TPO: variants seen among roughly 807,000 people sequenced by gnomAD.
TPO encodes thyroid peroxidase.
Under a neutral mutation model 96.9 loss-of-function variants are expected in TPO, and 78 were observed. That is an observed-to-expected ratio of 0.81 (90% CI 0.67 to 0.97). The LOEUF (loss-of-function observed/expected upper bound fraction) is 0.97, where lower values mean the gene tolerates loss of function less well. Ranked by LOEUF, TPO falls within the 50% of genes least tolerant of loss-of-function variation. The probability of loss-of-function intolerance (pLI) is 0.00; values close to 1 mark genes in which losing one functional copy is unlikely to be tolerated. For synonymous variants in TPO, 547 were observed against 538.0 expected (o/e 1.02, Z -0.23); for missense variants, 1,252 against 1,274.8 (o/e 0.98, Z 0.27).
At position 1,477,327 on chromosome 2, in the gene TPO, C is replaced by A. The variant is rs766827032; in HGVS notation, c.1061C>A (p.Ala354Glu). ...GCCGAAGGGCTGCTCCGCGTCCACGCGCGCCTCCGGGACTCCGGCCGCGCC... is the reference window on the plus strand; with the variant it reads ...GCCGAAGGGCTGCTCCGCGTCCACGAGCGCCTCCGGGACTCCGGCCGCGCC... ...TSAEGLLRVH[A>E]RLRDSGRAYL... The change falls in exon 8 of 17, where the codon GCG becomes GAG. Residue 354 changes from alanine to glutamate, a missense_variant. By Grantham distance (107) the Ala-to-Glu change is moderately radical. Coordinates refer to ENST00000329066, the MANE Select transcript of TPO (RefSeq NM_001206744.2). The A allele has an allele frequency of 1.9e-6, 3 of 1,564,218 alleles. No individual in the cohort carries two copies. In the South Asian group the frequency reaches 3.5e-5, roughly 18 times the overall value.
chr2:1,430,203 G>A (rs1467281964), intron 3 of TPO, among the ~76,000 whole-genome samples: 1 of 152,190 alleles, frequency 6.6e-6, no homozygotes, highest in Non-Finnish European at 1.5e-5. Context: ...CAGGGACACT[G>A]ATCCCTGTAT....
intron 2 of TPO, among the ~76,000 whole-genome samples, chr2:1,418,584 C>T (rs78364351): frequency 1.4e-3 from 206 of 152,306 alleles, no homozygotes; most frequent in East Asian, 0.013. Context: ...TGCTATCAAT[C>T]CCTCCTCTAA....
chr2:1,400,621 C>CA (rs34465338), intron 1 of TPO, among the ~76,000 whole-genome samples: 74,192 of 126,572 alleles, frequency 0.59, 21,069 homozygotes, highest in Middle Eastern at 0.71. Flanking sequence ...ACATGCGTCT[C>CA]AAAAAAAAAA....
At chr2:1,462,501 T>A (rs1668537220) in intron 7 of TPO, among the ~76,000 whole-genome samples, 1 of 144,244 alleles carries the variant, frequency 6.9e-6, no homozygotes, top group South Asian at 2.1e-4. Context: ...AAAACCCAAA[T>A]ACGTGTGTGT....
chr2:1,429,075 G>C (rs144262747), intron 3 of TPO, among the ~76,000 whole-genome samples: 1 of 152,278 alleles, frequency 6.6e-6, no homozygotes, highest in South Asian at 2.1e-4. Flanking sequence ...AATGTCATAC[G>C]CATTTGTATG....
intron 7 of TPO, among the ~76,000 whole-genome samples, chr2:1,459,929 C>T (rs1668251932): frequency 7.0e-6 from 1 of 142,274 alleles, no homozygotes; most frequent in South Asian, 2.3e-4. Flanking sequence ...GTACCTCTAA[C>T]CTGGGATTCT....
intron 8 of TPO, chr2:1,478,063 T>A: frequency 1.0e-6 from 1 of 985,436 alleles, no homozygotes; most frequent in South Asian, 4.7e-5. Flanking sequence ...GGTGCTGGTG[T>A]TTTTGTATTT....
intron 5 of TPO, among the ~76,000 whole-genome samples, chr2:1,440,239 T>C (rs1666035592): frequency 6.6e-6 from 1 of 152,250 alleles, no homozygotes; most frequent in Admixed American, 6.5e-5. Flanking sequence ...CAATGACATC[T>C]TTAAGACAAA....
Position 1,405,238 on chromosome 2 carries a change from CA to C in TPO, n.180+30837del, listed in dbSNP as rs149743895. ...TCATTCATCCATCCTTCCATTTATC[CA>C]TCCATCCATCCATCATCCACCCACC... is the stretch of plus-strand genomic sequence containing the variant. On this transcript the variant is annotated intron_variant and non_coding_transcript_variant, in intron 1 of 5. Transcript: ENST00000497517. Among the ~76,000 whole-genome samples the C allele has an allele frequency of 3.0e-3, 453 of 150,586 alleles. 2 individuals are homozygous for C. Among genetic ancestry groups the C allele is most frequent in the Non-Finnish European group, 5.1e-3 (344 of 67,676 alleles).
chr2:1,473,487 A>T lies in TPO; in HGVS notation c.820-3599A>T, dbSNP rs142861460. ...CTATTATCTGTCAAGTCAATACCGC[A>T]TCACCATTCTTTTCCCTAGTTTATT... On this transcript the variant is annotated intron_variant, in intron 7 of 16. Transcript: ENST00000329066. 1.9e-3 allele frequency among the ~76,000 whole-genome samples: 283 copies of T among 152,350 alleles called. 2 individuals carry two copies. The highest frequency in any genetic ancestry group is 1.7e-3 in the Non-Finnish European group (116 of 68,028).
intron 7 of TPO, among the ~76,000 whole-genome samples, chr2:1,456,646 T>C (rs1408775215): frequency 1.4e-5 from 2 of 142,632 alleles, no homozygotes; most frequent in Non-Finnish European, 3.1e-5. Flanking sequence ...ATACTGTGGG[T>C]ACACATATAT....
At chr2:1,423,594 G>T (rs1309582056) in intron 3 of TPO, among the ~76,000 whole-genome samples, 5 of 151,966 alleles carry the variant, frequency 3.3e-5, no homozygotes, top group African/African-American at 9.7e-5. Context: ...CCACTATTAA[G>T]AATATTGTGG....
intron 3 of TPO, among the ~76,000 whole-genome samples, chr2:1,433,204 A>G (rs1665203463): frequency 6.6e-6 from 1 of 152,084 alleles, no homozygotes; most frequent in Non-Finnish European, 1.5e-5. Context: ...AGTCTGTGCC[A>G]TTTTCCTCAT....
At chr2:1,507,485 T>C (rs1673596123) in intron 14 of TPO, among the ~76,000 whole-genome samples, 1 of 152,240 alleles carries the variant, frequency 6.6e-6, no homozygotes, top group Admixed American at 6.5e-5. Flanking sequence ...AGTATGGTCA[T>C]TTTCACCATA....
intron 15 of TPO, among the ~76,000 whole-genome samples, chr2:1,534,755 C>G (rs1160543590): frequency 2.0e-5 from 3 of 151,298 alleles, no homozygotes; most frequent in African/African-American, 7.3e-5. Flanking sequence ...TCAAATCTCC[C>G]CCACTGTGTG....
At chr2:1,526,509 C>T (rs1676539340) in intron 15 of TPO, among the ~76,000 whole-genome samples, 1 of 137,884 alleles carries the variant, frequency 7.3e-6, no homozygotes, top group East Asian at 2.3e-4. Flanking sequence ...TGTGCAACCC[C>T]CGCAAATCCT....
At chr2:1,529,247 T>TC (rs1258449064) in intron 15 of TPO, among the ~76,000 whole-genome samples, 2 of 18,274 alleles carry the variant, frequency 1.1e-4, no homozygotes, top group African/African-American at 5.3e-4. Context: ...CCGTGCTAAA[T>TC]CCCCCCACTC....
intron 13 of TPO, among the ~76,000 whole-genome samples, chr2:1,500,994 A>C: frequency 1.3e-5 from 2 of 150,336 alleles, no homozygotes. Flanking sequence ...AAAAACTGGC[A>C]AATGCATTGC....
rs778544908 is a variant in TPO, at chr2:1,493,829, G to C, written c.1796G>C (p.Gly599Ala). The change falls in exon 11 of 17, where the codon GGC becomes GCC. Residue 599 changes from glycine (G) to alanine (A), a missense_variant. Gly to Ala is a moderately conservative substitution (Grantham distance 60). Coordinates refer to ENST00000329066, the MANE Select transcript of TPO (RefSeq NM_001206744.2). ...TACAATGAGTGGAGGGAGTTCTGCG[G>C]CCTGCCTCGCCTGGAGACCCCCGCT... is the stretch of plus-strand genomic sequence containing the variant. ...PGYNEWREFC[G>A]LPRLETPADL... The C allele has an allele frequency of 1.9e-6, 3 of 1,613,982 alleles. No individual in the cohort carries two copies. The African/African-American group carries it at 4.0e-5, about 22-fold the overall frequency.
Sources: allele counts gnomAD v4.1 joint callset (sites outside exome capture counted in the v4.1 genomes callset), GRCh38; gene constraint gnomAD v4.1.1; transcripts MANE v1.5; gene names NCBI Gene and HGNC (gene_info 2026-07-23, HGNC 2026-07-21).